FNDC3B: variants seen among roughly 807,000 people sequenced by gnomAD.
FNDC3B encodes the protein fibronectin type III domain-containing protein 3B.
Under a neutral mutation model 151.5 loss-of-function variants are expected in FNDC3B, and 12 were observed. The ratio of observed to expected loss-of-function variants is 0.08; its 90% CI spans 0.05 to 0.13. The LOEUF is 0.13. Ranked by LOEUF, FNDC3B falls within the 10% of genes least tolerant of loss-of-function variation. The probability of loss-of-function intolerance (pLI) is 1.00; values close to 1 mark genes in which losing one functional copy is unlikely to be tolerated. For synonymous variants in FNDC3B, 528 were observed against 549.0 expected (o/e 0.96, Z 0.54); for missense variants, 1,214 against 1,505.3 (o/e 0.81, Z 3.20).
chr3:172,243,311 T>A (rs138675873), intron 4 of FNDC3B, among the ~76,000 whole-genome samples: 1 of 152,316 alleles, frequency 6.6e-6, no homozygotes, highest in Admixed American at 6.5e-5. Flanking sequence ...TTGGACCAAT[T>A]TACTGTATTA....
chr3:172,275,036 T>C (rs543794540), intron 6 of FNDC3B, among the ~76,000 whole-genome samples: 1 of 152,228 alleles, frequency 6.6e-6, no homozygotes. Context: ...TGTGTGTTTT[T>C]ATTTCTCACC....
intron 23 of FNDC3B, among the ~76,000 whole-genome samples, chr3:172,376,522 A>G (rs1457561649): frequency 2.6e-5 from 4 of 152,214 alleles, no homozygotes; most frequent in Non-Finnish European, 4.4e-5. Context: ...ATTAAGGGCA[A>G]TTACTCCTGT....
At chr3:172,194,134 G>A (rs193228721) in intron 3 of FNDC3B, among the ~76,000 whole-genome samples, 4 of 152,108 alleles carry the variant, frequency 2.6e-5, no homozygotes, top group Non-Finnish European at 4.4e-5. Context: ...GCAGGAGAAC[G>A]GCGTGAACCC....
In FNDC3B at chr3:172,309,652, G is replaced by A. The variant is rs943550108; in HGVS notation, c.1201-1176G>A. ...GACTCTAAAGAGAGAAGGAAGGGAA[G>A]GAGAGGGAGAAGAATTTCATTATTA... On this transcript the variant is annotated intron_variant, in intron 10 of 25. Coordinates refer to ENST00000415807, the MANE Select transcript of FNDC3B (RefSeq NM_022763.4). 2.0e-5 allele frequency among the ~76,000 whole-genome samples: 3 copies of A among 152,160 alleles called. No homozygotes were observed. The South Asian group carries it at 6.2e-4, about 32-fold the overall frequency.
chr3:172,266,588 G>C (rs192755967), intron 6 of FNDC3B, among the ~76,000 whole-genome samples: 2 of 152,204 alleles, frequency 1.3e-5, no homozygotes, highest in African/African-American at 4.8e-5. Flanking sequence ...TGGTAGGCCC[G>C]AGCTCCCTCC....
At chr3:172,358,955 T>TGGTGGG (rs1307001433) in intron 22 of FNDC3B, among the ~76,000 whole-genome samples, 90 of 2,078 alleles carry the variant, frequency 0.043, no homozygotes, top group Admixed American at 0.25. Context: ...ACAGTTTTCT[T>TGGTGGG]GGTGGTGGTG....
At chr3:172,322,948 G>C (rs1045405307) in intron 11 of FNDC3B, among the ~76,000 whole-genome samples, 1 of 152,174 alleles carries the variant, frequency 6.6e-6, no homozygotes, top group African/African-American at 2.4e-5. Context: ...TAATGTCTCT[G>C]CCTCAGTTGT....
chr3:172,300,295 CAT>C (rs1560065571), intron 9 of FNDC3B, among the ~76,000 whole-genome samples: 1 of 152,196 alleles, frequency 6.6e-6, no homozygotes, highest in Non-Finnish European at 1.5e-5. Flanking sequence ...TCATTGTTAA[CAT>C]ATGTTTCTTT....
intron 23 of FNDC3B, among the ~76,000 whole-genome samples, chr3:172,376,731 G>A (rs931997627): frequency 6.6e-6 from 1 of 151,778 alleles, no homozygotes; most frequent in Non-Finnish European, 1.5e-5. Context: ...TCCTTACACA[G>A]CAAAGCAGAC....
chr3:172,168,350 C>G (rs1723110774), intron 3 of FNDC3B, among the ~76,000 whole-genome samples: 2 of 152,152 alleles, frequency 1.3e-5, no homozygotes, highest in South Asian at 4.1e-4. Context: ...TTCTTTTATT[C>G]TGATTCCTGC....
chr3:172,232,781 GC>G (rs1409115471), intron 4 of FNDC3B, among the ~76,000 whole-genome samples: 4 of 152,160 alleles, frequency 2.6e-5, no homozygotes, highest in Non-Finnish European at 4.4e-5. Flanking sequence ...ACCTGGAGAG[GC>G]CTTTCTTCAG....
intron 1 of FNDC3B, among the ~76,000 whole-genome samples, chr3:172,107,422 AG>A (rs1241577264): frequency 2.6e-5 from 4 of 152,052 alleles, no homozygotes; most frequent in Non-Finnish European, 4.4e-5. Flanking sequence ...TCATTTGTAA[AG>A]GGTAGTTGAT....
chr3:172,201,270 G>A lies in FNDC3B; in HGVS notation c.188-25601G>A, dbSNP rs539557988. On this transcript the variant is annotated intron_variant, in intron 3 of 25. Coordinates refer to ENST00000415807, the MANE Select transcript of FNDC3B (RefSeq NM_022763.4). ...CACGAAAGCTGCAGCCCCAGTGGGG[G>A]AAGCGCAGGGTGGAGTTTTTCCACC... Among the ~76,000 whole-genome samples the A allele has an allele frequency of 6.6e-5, 10 of 152,296 alleles. No individual in the cohort carries two copies. In the South Asian group the frequency reaches 2.1e-3, roughly 32 times the overall value.
chr3:172,155,710 G>A (rs959051842), intron 3 of FNDC3B, among the ~76,000 whole-genome samples: 1 of 152,228 alleles, frequency 6.6e-6, no homozygotes, highest in Non-Finnish European at 1.5e-5. Flanking sequence ...GGAGTGAATG[G>A]AGAGGATGGG....
intron 4 of FNDC3B, among the ~76,000 whole-genome samples, chr3:172,244,656 C>T (rs1038990598): frequency 3.8e-4 from 46 of 122,118 alleles, no homozygotes; most frequent in South Asian, 1.1e-3. Context: ...TCGGCGTCTC[C>T]GTCTGTCACC....
intron 1 of FNDC3B, among the ~76,000 whole-genome samples, chr3:172,054,091 A>G (rs374701247): frequency 6.6e-6 from 1 of 152,298 alleles, no homozygotes. Context: ...ATTTCAGTTA[A>G]TAAGAGTAAG....
In FNDC3B at chr3:172,279,797, T is replaced by C. The variant is rs1729610923; in HGVS notation, c.791-6129T>C. ...TTAGATAATTAATTCTTCTTTTGTA[T>C]GCGCTTATTGATTCCTCTTTTTTTC... On this transcript the variant is annotated intron_variant, in intron 6 of 25. Coordinates refer to ENST00000415807, the MANE Select transcript of FNDC3B (RefSeq NM_022763.4). 2.6e-5 allele frequency among the ~76,000 whole-genome samples: 4 copies of C among 152,366 alleles called. No homozygotes were observed. In the South Asian group the frequency reaches 8.3e-4, roughly 32 times the overall value.
Position 172,378,335 on chromosome 3 carries a change from G to A in FNDC3B, c.3074G>A (p.Cys1025Tyr). Reference sequence around the variant, plus strand: ...GTCCAGAGACTGACGGAATTCACATGCTACTCCTTCAGAATCCAGGCAGCA... The same window carrying A: ...GTCCAGAGACTGACGGAATTCACATACTACTCCTTCAGAATCCAGGCAGCA... ...YKVQRLTEFT[C>Y]YSFRIQAASE... Residue 1025 changes from cysteine (C) to tyrosine (Y), a missense_variant, in exon 24 of 26, where the codon TGC (cysteine) becomes TAC (tyrosine). Transcript: ENST00000415807. 1 of 1,613,938 alleles carries A rather than the reference G, an allele frequency of 6.2e-7. No homozygotes were observed. The highest frequency in any genetic ancestry group is 8.5e-7 in the Non-Finnish European group (1 of 1,179,914).
intron 3 of FNDC3B, among the ~76,000 whole-genome samples, chr3:172,192,403 T>G (rs1252187469): frequency 6.6e-6 from 1 of 152,034 alleles, no homozygotes; most frequent in Non-Finnish European, 1.5e-5. Flanking sequence ...GCCAGGATGG[T>G]CTTGCTCTCC....
Sources: gnomAD v4.1 joint callset for allele counts (sites outside exome capture counted in the v4.1 genomes callset) on GRCh38, gnomAD v4.1.1 for gene constraint, MANE v1.5 for transcripts, NCBI Gene and HGNC (gene_info 2026-07-23, HGNC 2026-07-21) for gene names.